ELP4: variants seen among roughly 807,000 people sequenced by gnomAD.
The protein encoded by ELP4 is elongator complex protein 4.
Under a neutral mutation model 48.9 loss-of-function variants are expected in ELP4, and 51 were observed. The observed-to-expected ratio is 1.04, with a 90% confidence interval of 0.83 to 1.32. The LOEUF (loss-of-function observed/expected upper bound fraction) is 1.32, where lower values mean the gene tolerates loss of function less well. Among genes scored for constraint, ELP4 ranks in the 40% most tolerant of loss-of-function variants. The pLI is 0.00. For missense variants in ELP4, 519 were observed against 514.6 expected (o/e 1.01, Z -0.08); for synonymous variants, 210 against 189.2 (o/e 1.11, Z -0.90).
chr11:31,769,458 G>GACATTAACC (rs1455131651), intron 9 of ELP4, among the ~76,000 whole-genome samples: 2 of 152,198 alleles, frequency 1.3e-5, no homozygotes, highest in African/African-American at 4.8e-5. Flanking sequence ...TTAGGGGACT[G>GACATTAACC]ACATTAACCT....
chr11:31,635,901 C>A (rs755836691), intron 7 of ELP4, among the ~76,000 whole-genome samples: 3 of 151,966 alleles, frequency 2.0e-5, no homozygotes, highest in Non-Finnish European at 4.4e-5. Context: ...ACAGGTTAGG[C>A]CTGAGACAGA....
intron 9 of ELP4, among the ~76,000 whole-genome samples, chr11:31,711,297 A>G (rs981449157): frequency 6.6e-6 from 1 of 152,182 alleles, no homozygotes; most frequent in Admixed American, 6.5e-5. Flanking sequence ...TGCCCTTATA[A>G]CAAATCATTC....
chr11:31,703,377 C>G (rs1946567265), intron 9 of ELP4, among the ~76,000 whole-genome samples: 1 of 152,146 alleles, frequency 6.6e-6, no homozygotes, highest in Non-Finnish European at 1.5e-5. Flanking sequence ...TTTATATATA[C>G]TGTGACTCTG....
At chr11:31,745,877 C>G (rs1947577515) in intron 9 of ELP4, among the ~76,000 whole-genome samples, 1 of 152,078 alleles carries the variant, frequency 6.6e-6, no homozygotes, top group South Asian at 2.1e-4. Context: ...CAACAAAAGC[C>G]AAAATTGACA....
chr11:31,686,523 A>G (rs2134131439), intron 9 of ELP4, among the ~76,000 whole-genome samples: 1 of 152,328 alleles, frequency 6.6e-6, no homozygotes, highest in East Asian at 1.9e-4. Context: ...ATTCTCTCCC[A>G]TGGGTAATGG....
chr11:31,729,071 A>G (rs1376612308), intron 9 of ELP4, among the ~76,000 whole-genome samples: 2 of 152,220 alleles, frequency 1.3e-5, no homozygotes, highest in African/African-American at 4.8e-5. Flanking sequence ...TTTCTCTTCC[A>G]AATTTCAAAG....
intron 9 of ELP4, among the ~76,000 whole-genome samples, chr11:31,708,965 A>G (rs1361460874): frequency 6.6e-6 from 1 of 152,142 alleles, no homozygotes; most frequent in Non-Finnish European, 1.5e-5. Context: ...TAAAATTTAG[A>G]CTTTCATCAG....
intron 3 of ELP4, among the ~76,000 whole-genome samples, chr11:31,568,520 C>G (rs1346352590): frequency 1.3e-5 from 2 of 152,082 alleles, no homozygotes; most frequent in East Asian, 1.9e-4. Context: ...ATTACCCGAC[C>G]TCAAACTATA....
intron 1 of ELP4, among the ~76,000 whole-genome samples, chr11:31,519,553 A>G (rs1171130956): frequency 6.6e-6 from 1 of 152,204 alleles, no homozygotes; most frequent in Admixed American, 6.5e-5. Flanking sequence ...CTGGTGGCTC[A>G]CTGGCTCACG....
intron 9 of ELP4, chr11:31,767,579 AAAC>A (rs982693797): frequency 1.3e-5 from 2 of 152,058 alleles, no homozygotes; most frequent in African/African-American, 4.8e-5. Flanking sequence ...TAAGCCAAAC[AAAC>A]AACCAAAAAA....
At chr11:31,629,744 C>T (rs1208864185) in intron 6 of ELP4, among the ~76,000 whole-genome samples, 6 of 148,538 alleles carry the variant, frequency 4.0e-5, no homozygotes, top group African/African-American at 1.2e-4. Context: ...TTTACCTTTG[C>T]GTTTCATTGT....
intron 9 of ELP4, among the ~76,000 whole-genome samples, chr11:31,773,608 A>G (rs957868579): frequency 3.9e-5 from 6 of 152,082 alleles, no homozygotes; most frequent in African/African-American, 1.2e-4. Context: ...CTGTCTCTCA[A>G]CTCCCATGAA....
rs552968088 is a variant in ELP4 at position 31,595,669 on chromosome 11, T to C, written c.513+768T>C. Among the ~76,000 whole-genome samples the C allele has an allele frequency of 6.6e-5, 10 of 152,260 alleles. No homozygotes were observed. The South Asian group carries it at 1.7e-3, about 25-fold the overall frequency. On this transcript the variant is annotated intron_variant, in intron 4 of 9. Coordinates refer to ENST00000640961, the MANE Select transcript of ELP4 (RefSeq NM_019040.5). ...TTGGTTTCCTGTTTTCACTACCCCC[T>C]TCTAAATAAATAGCAGACTGTAGTA...
At chr11:31,629,259 G>T (rs190033618) in intron 6 of ELP4, among the ~76,000 whole-genome samples, 3 of 151,822 alleles carry the variant, frequency 2.0e-5, no homozygotes, top group South Asian at 2.1e-4. Context: ...GGATGTTCTC[G>T]TAGGAATAAA....
intron 3 of ELP4, among the ~76,000 whole-genome samples, chr11:31,559,119 G>A (rs1024467163): frequency 2.0e-5 from 3 of 152,114 alleles, no homozygotes; most frequent in African/African-American, 4.8e-5. Flanking sequence ...CACTGTCAAG[G>A]GTCAAATTAA....
chr11:31,641,844 C>G (rs1945104866), intron 7 of ELP4, among the ~76,000 whole-genome samples: 1 of 151,882 alleles, frequency 6.6e-6, no homozygotes, highest in East Asian at 1.9e-4. Context: ...TATCTTTAAC[C>G]TGCTACTGCA....
intron 5 of ELP4, among the ~76,000 whole-genome samples, chr11:31,625,264 C>T (rs747185064): frequency 6.6e-6 from 1 of 151,594 alleles, no homozygotes; most frequent in African/African-American, 2.4e-5. Context: ...TTGTTGTATA[C>T]GTGGTCCATC....
intron 9 of ELP4, among the ~76,000 whole-genome samples, chr11:31,775,718 G>A (rs1948231054): frequency 6.6e-6 from 1 of 152,192 alleles, no homozygotes; most frequent in East Asian, 1.9e-4. Context: ...TGTAATCCCA[G>A]CACTTTGGGA....
chr11:31,589,247 T>C (rs1706781664), intron 3 of ELP4, among the ~76,000 whole-genome samples: 1 of 152,190 alleles, frequency 6.6e-6, no homozygotes, highest in African/African-American at 2.4e-5. Flanking sequence ...GTGCTCATTT[T>C]ATAACAAGGT....
Sources: allele counts gnomAD v4.1 joint callset (sites outside exome capture counted in the v4.1 genomes callset), GRCh38; gene constraint gnomAD v4.1.1; transcripts MANE v1.5; gene names NCBI Gene and HGNC (gene_info 2026-07-23, HGNC 2026-07-21).